The following CNPY1 variants were observed in gnomAD, a reference collection of about 807,000 sequenced individuals.
The protein encoded by CNPY1 is canopy FGF signaling regulator 1, also known as protein canopy homolog 1.
In CNPY1, 14 loss-of-function variants were observed where a neutral mutation model predicts 14.4. That is an observed-to-expected ratio of 0.97 (90% CI 0.64 to 1.52). The LOEUF is 1.52. Among genes scored for constraint, CNPY1 ranks in the 40% most tolerant of loss-of-function variants. The pLI, the probability that CNPY1 is intolerant of heterozygous loss-of-function variation, is 0.00. For missense variants in CNPY1, 129 were observed against 131.5 expected (o/e 0.98, Z 0.09); for synonymous variants, 43 against 46.5 (o/e 0.92, Z 0.31).
chr7:155,531,167 G>A (rs143238755), intron 2 of CNPY1, among the ~76,000 whole-genome samples: 186 of 152,296 alleles, frequency 1.2e-3, no homozygotes, highest in African/African-American at 4.3e-3. Flanking sequence ...CCACAGGCAT[G>A]CGTGCCCTGC....
intron 2 of CNPY1, among the ~76,000 whole-genome samples, chr7:155,516,020 C>T (rs1361434651): frequency 6.6e-6 from 1 of 151,750 alleles, no homozygotes; most frequent in Non-Finnish European, 1.5e-5. Flanking sequence ...TGTGTGTGTC[C>T]CCCCTCCTCT....
intron 2 of CNPY1, among the ~76,000 whole-genome samples, chr7:155,532,817 C>T (rs541850960): frequency 6.6e-6 from 1 of 152,096 alleles, no homozygotes; most frequent in Non-Finnish European, 1.5e-5. Context: ...TCATGGAGTT[C>T]GGTCTGCAAC....
At position 155,540,606 on chromosome 7, in the gene CNPY1, C is replaced by T. The variant is rs76517787; in HGVS notation, c.99+5225G>A. Among the ~76,000 whole-genome samples, 1,295 of 152,290 alleles carry T rather than the reference C, an allele frequency of 8.5e-3. 23 individuals are homozygous for T. Among genetic ancestry groups the T allele is most frequent in the African/African-American group, 0.03 (1,235 of 41,542 alleles). ...TGAACTTTCCAAGTTTCGCAGAGAG[C>T]GAGGCCTTGCTCTCACACTCAGCCG... On this transcript the variant is annotated intron_variant, in intron 2 of 4. Transcript: ENST00000636446.
chr7:155,509,075 G>C lies in CNPY1; in HGVS notation c.122C>G (p.Ala41Gly). ...RRKIPLAQSE[A>G]FLTDLLEKVC... ...TTTCTCCAAAAGATCCGTTAGGAACGCCTCCGACTGAGCTAGGGGGATCTA... is the reference window on the plus strand; with the variant it reads ...TTTCTCCAAAAGATCCGTTAGGAACCCCTCCGACTGAGCTAGGGGGATCTA... Residue 41 changes from alanine to glycine, a missense_variant, in exon 3 of 5, where the codon GCG becomes GGG. Physicochemically the swap from Ala to Gly is moderately conservative, Grantham distance 60. Transcript: ENST00000636446. The C allele has an allele frequency of 6.2e-7, 1 of 1,600,192 alleles. No homozygotes were observed.
chr7:155,528,921 C>T (rs959643007), intron 2 of CNPY1, among the ~76,000 whole-genome samples: 3 of 152,106 alleles, frequency 2.0e-5, no homozygotes, highest in Admixed American at 2.0e-4. Context: ...ATTAGCCAGG[C>T]ATGGTGGCAG....
intron 2 of CNPY1, among the ~76,000 whole-genome samples, chr7:155,510,800 C>G (rs1796513189): frequency 6.6e-6 from 1 of 152,006 alleles, no homozygotes; most frequent in Non-Finnish European, 1.5e-5. Flanking sequence ...CGTAGATTAA[C>G]AAACAAAACT....
In CNPY1 at chr7:155,536,695, CA is replaced by C. The variant is rs2116752594; in HGVS notation, c.99+9135del. On this transcript the variant is annotated intron_variant, in intron 2 of 4. Coordinates refer to ENST00000636446, the MANE Select transcript of CNPY1 (RefSeq NM_001393663.1). The surrounding 1 kb of genome is among the most constrained non-coding windows in gnomAD (Gnocchi z 4.1). ...GACTCGGGCTTGGAGGAGGAGGAGCCACAAGACAGAAGGGCCTGGGTCCCTG... is the reference window on the plus strand; with the variant it reads ...GACTCGGGCTTGGAGGAGGAGGAGCCCAAGACAGAAGGGCCTGGGTCCCTG... 6.6e-6 allele frequency among the ~76,000 whole-genome samples: 1 copy of C among 152,230 alleles called. No homozygotes were observed. The highest frequency in any genetic ancestry group is 2.1e-4 in the South Asian group (1 of 4,822).
At position 155,521,059 on chromosome 7, in the gene CNPY1, G is replaced by GAAGGAAGGAAGGAAGGAAGGAAGC. The variant is rs1796713229; in HGVS notation, c.100-11963_100-11962insGCTTCCTTCCTTCCTTCCTTCCTT. 5.3e-5 allele frequency among the ~76,000 whole-genome samples: 6 copies of GAAGGAAGGAAGGAAGGAAGGAAGC among 113,694 alleles called. No individual in the cohort carries two copies. The South Asian group carries it at 9.8e-4, about 19-fold the overall frequency. The allele number at this position is 113,694 out of a possible 152,430, so 74.6% of individuals were successfully genotyped here. Reference sequence around the variant, plus strand: ...TGAGAATGAAAAAAAAAGAAAGAAGGAAGGAAGGAAGGAAGGAAGCAAGGA... The same window carrying GAAGGAAGGAAGGAAGGAAGGAAGC: ...TGAGAATGAAAAAAAAAGAAAGAAGGAAGGAAGGAAGGAAGGAAGGAAGCAAGGAAGGAAGGAAGGAAGCAAGGA... On this transcript the variant is annotated intron_variant, in intron 2 of 4. Coordinates refer to ENST00000636446, the MANE Select transcript of CNPY1 (RefSeq NM_001393663.1).
chr7:155,522,123 T>C (rs1292707440), intron 2 of CNPY1, among the ~76,000 whole-genome samples: 1 of 152,248 alleles, frequency 6.6e-6, no homozygotes, highest in African/African-American at 2.4e-5. Flanking sequence ...AGTCGGGCTG[T>C]GCTCACCCAG....
chr7:155,504,845 G>A (rs1432905953), intron 4 of CNPY1, among the ~76,000 whole-genome samples: 5 of 152,092 alleles, frequency 3.3e-5, no homozygotes, highest in Non-Finnish European at 4.4e-5. Flanking sequence ...TCATATTCTG[G>A]TTGTAAACTG....
At chr7:155,526,376 T>C (rs1377218352) in intron 2 of CNPY1, among the ~76,000 whole-genome samples, 1 of 152,208 alleles carries the variant, frequency 6.6e-6, no homozygotes, top group Non-Finnish European at 1.5e-5. Context: ...AACAAACGGC[T>C]GGCAGGGGAC....
chr7:155,542,004 C>T (rs913987735), intron 2 of CNPY1, among the ~76,000 whole-genome samples: 8 of 142,522 alleles, frequency 5.6e-5, no homozygotes, highest in African/African-American at 7.8e-5. Context: ...AGCCAATGAA[C>T]GCTGTGTTTG....
chr7:155,526,614 G>A (rs1169895029), intron 2 of CNPY1, among the ~76,000 whole-genome samples: 3 of 152,202 alleles, frequency 2.0e-5, no homozygotes, highest in African/African-American at 7.2e-5. Context: ...TAGCACGCTG[G>A]TGGAAAGATG....
At chr7:155,506,576 CAAAA>C (rs869130218) in intron 4 of CNPY1, 31 of 118,912 alleles carry the variant, frequency 2.6e-4, no homozygotes, top group African/African-American at 1.1e-3. Context: ...AACAAACAAA[CAAAA>C]AAACTTTAGA....
chr7:155,538,438 A>G (rs931118073), intron 2 of CNPY1, among the ~76,000 whole-genome samples: 1 of 152,050 alleles, frequency 6.6e-6, no homozygotes, highest in African/African-American at 2.4e-5. Flanking sequence ...CCCGCGTGTG[A>G]CCCTGAACTG....
chr7:155,505,890 G>C (rs1405583312), intron 4 of CNPY1, among the ~76,000 whole-genome samples: 3 of 152,062 alleles, frequency 2.0e-5, no homozygotes, highest in Non-Finnish European at 4.4e-5. Flanking sequence ...TCGTCTCACT[G>C]TATTCTTTTG....
Position 155,502,155 on chromosome 7 carries a change from C to A in CNPY1, c.*913G>T, listed in dbSNP as rs1796136223. On this transcript the variant is annotated 3_prime_UTR_variant, in exon 5 of 5. Transcript: ENST00000636446. Reference sequence around the variant, plus strand: ...AAATGTAACAGAGATAAAGAAATTTCCGGGAGTGATTGTTACTAGACTTTG... The same window carrying A: ...AAATGTAACAGAGATAAAGAAATTTACGGGAGTGATTGTTACTAGACTTTG... 6.6e-6 allele frequency: 1 copy of A among 152,068 alleles called. No homozygotes were observed. The highest frequency in any genetic ancestry group is 1.5e-5 in the Non-Finnish European group (1 of 68,016). The allele number at this position is 152,068 out of a possible 1,614,324, so 9.4% of individuals were successfully genotyped here. A position where few individuals can be genotyped will look rare whatever the true frequency, so the allele number is the denominator to read the frequency against.
chr7:155,543,032 T>C (rs1797105239), intron 2 of CNPY1, among the ~76,000 whole-genome samples: 1 of 152,120 alleles, frequency 6.6e-6, no homozygotes, highest in Non-Finnish European at 1.5e-5. Flanking sequence ...ACTCGGATTC[T>C]CGGGGGAACC....
rs1363994836 is a variant in CNPY1 at position 155,501,844 on chromosome 7, G to A, written c.*1224C>T. On this transcript the variant is annotated 3_prime_UTR_variant, in exon 5 of 5. Coordinates refer to ENST00000636446, the MANE Select transcript of CNPY1 (RefSeq NM_001393663.1). ...ACTAACTTTTAATCAGAGTTTAGGTGGGGAGGGGGCATGGAAAGCCCTTCC... is the reference window on the plus strand; with the variant it reads ...ACTAACTTTTAATCAGAGTTTAGGTAGGGAGGGGGCATGGAAAGCCCTTCC... The A allele has an allele frequency of 1.3e-5, 2 of 152,152 alleles. No individual in the cohort carries two copies. The highest frequency in any genetic ancestry group is 3.9e-4 in the East Asian group (2 of 5,186). The allele number at this position is 152,152 out of a possible 1,614,324, so 9.4% of individuals were successfully genotyped here. A position where few individuals can be genotyped will look rare whatever the true frequency, so the allele number is the denominator to read the frequency against.
Sources: gnomAD v4.1 joint callset for allele counts (sites outside exome capture counted in the v4.1 genomes callset) on GRCh38, gnomAD v4.1.1 for gene constraint, Gnocchi (gnomAD v3.1) non-coding constraint, MANE v1.5 for transcripts, NCBI Gene and HGNC (gene_info 2026-07-23, HGNC 2026-07-21) for gene names.